GRIN3B: variants seen among roughly 807,000 people sequenced by gnomAD.
The protein encoded by GRIN3B is glutamate ionotropic receptor NMDA type subunit 3B.
A neutral mutation model predicts 66.0 loss-of-function variants in GRIN3B; 77 were observed. That is an observed-to-expected ratio of 1.17 (90% CI 0.97 to 1.41). GRIN3B has a LOEUF of 1.41. GRIN3B is among the 40% of genes most tolerant of loss of function. The pLI is 0.00. For synonymous variants in GRIN3B, 823 were observed against 749.7 expected (o/e 1.10, Z -1.60); for missense variants, 1,787 against 1,564.5 (o/e 1.14, Z -2.40).
rs1568389590 is a variant in GRIN3B at position 1,003,240 on chromosome 19, C to T, written c.537C>T (p.Cys179=). The change falls in exon 2 of 9, where the codon TGC becomes TGT. Residue 179 remains cysteine, a synonymous_variant. Transcript: ENST00000234389. ...HAWEDVGLAL[C]RTQDPGGLVA... ...GGGAAGACGTCGGCCTGGCCCTGTG[C>T]CGCACTCAGGACCCCGGCGGCCTGG... 2 of 1,577,438 alleles carry T rather than the reference C, an allele frequency of 1.3e-6. No homozygotes were observed. Among genetic ancestry groups the T allele is most frequent in the East Asian group, 2.3e-5 (1 of 42,654 alleles).
intron 5 of GRIN3B, 60 bp from the exon 6 acceptor site, chr19:1,008,080 C>A: frequency 1.2e-5 from 18 of 1,562,278 alleles, no homozygotes; most frequent in Non-Finnish European, 1.6e-5. Context: ...CCCACGTGTG[C>A]GGGCAGAGTT....
At position 1,009,552 on chromosome 19, in the gene GRIN3B, G is replaced by GC. The variant is rs1331847037; in HGVS notation, c.3087dup (p.Ala1030ArgfsTer51). The GC allele has an allele frequency of 1.8e-5, 16 of 900,958 alleles. No homozygotes were observed. The highest frequency in any genetic ancestry group is 3.6e-5 in the Admixed American group (1 of 27,806). The allele number at this position is 900,958 out of a possible 1,614,324, so 55.8% of individuals were successfully genotyped here. A position where few individuals can be genotyped will look rare whatever the true frequency, so the allele number is the denominator to read the frequency against. ...TCGGCGCTTGCTTCAGGCCAGAGCGGCCCCCGCGGAGGCCCCACCACACTC... is the reference window on the plus strand; with the variant it reads ...TCGGCGCTTGCTTCAGGCCAGAGCGGCCCCCCGCGGAGGCCCCACCACACTC... On this transcript the variant is annotated frameshift_variant, in exon 9 of 9. Transcript: ENST00000234389. LOFTEE classifies it low-confidence loss of function (END_TRUNC).
chr19:1,001,882 G>A (rs1039121993), intron 1 of GRIN3B: 2 of 152,344 alleles, frequency 1.3e-5, no homozygotes, highest in African/African-American at 4.8e-5. Context: ...CGGGGCGTGG[G>A]ACCGACCTAG....
rs2145546615 is a variant in GRIN3B, at chr19:1,009,459, C to G, written c.2989C>G (p.Leu997Val). ...CCGCATCGAAGTCGCGCGTGAGCGG[C>G]TCCGCCAGGCCCTGGTGCGGCGCGG... ...ERRIEVARER[L>V]RQALVRRGQL... The change falls in exon 9 of 9, where the codon CTC (leucine) becomes GTC (valine). Residue 997 changes from leucine to valine, a missense_variant. Transcript: ENST00000234389. 1 of 1,476,834 alleles carries G rather than the reference C, an allele frequency of 6.8e-7. No homozygotes were observed. The highest frequency in any genetic ancestry group is 2.3e-5 in the Admixed American group (1 of 42,910). The allele number at this position is 1,476,834 out of a possible 1,614,324, so 91.5% of individuals were successfully genotyped here.
chr19:1,003,734 C>A lies in GRIN3B; in HGVS notation c.1019+12C>A. On this transcript the variant is annotated intron_variant, in intron 2 of 8. Transcript: ENST00000234389. ...CGCTTCTTGGCACGGTGAGTGGGGA[C>A]CCTGCTTCCCTTAGGAGGGTGTCCA... The A allele has an allele frequency of 7.2e-7, 1 of 1,395,624 alleles. No homozygotes were observed. Among genetic ancestry groups the A allele is most frequent in the Non-Finnish European group, 9.3e-7 (1 of 1,079,972 alleles). The allele number at this position is 1,395,624 out of a possible 1,614,324, so 86.5% of individuals were successfully genotyped here.
At chr19:1,008,570 G>A in intron 6 of GRIN3B, 48 bp from the exon 7 acceptor site, 1 of 1,570,160 alleles carries the variant, frequency 6.4e-7, no homozygotes, top group Non-Finnish European at 8.6e-7. Flanking sequence ...GCTCCCCAGG[G>A]GCCTGCCATT....
rs34585248 is a variant in GRIN3B at position 1,003,375 on chromosome 19, G to A, written c.672G>A (p.Ala224=). The A allele has an allele frequency of 0.033, 51,505 of 1,568,894 alleles. 1,028 individuals are homozygous for A. Among genetic ancestry groups the A allele is most frequent in the East Asian group, 0.082 (3,529 of 43,104 alleles). Residue 224 remains alanine (A), a synonymous_variant, in exon 2 of 9, where the codon GCG becomes GCA. Transcript: ENST00000234389. Reference sequence around the variant, plus strand: ...GGGCACGCCTGGCCCCGATGGCGGCGCCAGTGGGGGGTGAAGCACCGGTAC... The same window carrying A: ...GGGCACGCCTGGCCCCGATGGCGGCACCAGTGGGGGGTGAAGCACCGGTAC... ...GLRARLAPMA[A]PVGGEAPVPA...
In GRIN3B at chr19:1,007,024, A is replaced by C. The variant is rs569546301; in HGVS notation, c.2053-604A>C. Among the ~76,000 whole-genome samples the C allele has an allele frequency of 1.3e-5, 2 of 152,262 alleles. No individual in the cohort carries two copies. The highest frequency in any genetic ancestry group is 3.9e-4 in the East Asian group (2 of 5,178). The stretch of plus-strand genomic sequence containing the variant: ...GGGGAGAACAGACCACGGGTGGTGC[A>C]GGGAGGACCCCGCAGAGGGGCCTGG... On this transcript the variant is annotated intron_variant, in intron 3 of 8. Coordinates refer to ENST00000234389, the MANE Select transcript of GRIN3B (RefSeq NM_138690.3). This position sits in a 1 kb window ranked among gnomAD's most constrained non-coding sequence, Gnocchi z 4.4.
intron 3 of GRIN3B, among the ~76,000 whole-genome samples, chr19:1,006,033 G>C (rs1376746286): frequency 6.6e-6 from 1 of 152,156 alleles, no homozygotes; most frequent in Non-Finnish European, 1.5e-5. Flanking sequence ...AAAAAACACA[G>C]AGATGGGGGG....
chr19:1,008,437 G>A (rs1017326483), intron 6 of GRIN3B, 146 bp downstream of exon 6: 8 of 1,033,242 alleles, frequency 7.7e-6, no homozygotes, highest in East Asian at 2.6e-5. Context: ...ACAAAACCCC[G>A]GCTGCAGTGC....
In GRIN3B at chr19:1,003,313, G is replaced by A; in HGVS notation, c.610G>A (p.Asp204Asn). 6.4e-7 allele frequency: 1 copy of A among 1,574,458 alleles called. No homozygotes were observed. The highest frequency in any genetic ancestry group is 1.4e-5 in the African/African-American group (1 of 73,140). The part of the protein sequence containing the change: ...RAGRPPQLVL[D>N]LSRRDTGDAG... The stretch of plus-strand genomic sequence containing the variant: ...TGGCCGGCCCCCACAGCTGGTCCTG[G>A]ACCTAAGCCGGCGGGACACGGGAGA... Residue 204 changes from aspartate (D) to asparagine (N), a missense_variant, in exon 2 of 9, where the codon GAC becomes AAC. Asp to Asn is a conservative substitution (Grantham distance 23). Transcript: ENST00000234389.
Position 1,008,134 on chromosome 19 carries a change from C to A in GRIN3B, c.2315-6C>A. On this transcript the variant is annotated splice_polypyrimidine_tract_variant and splice_region_variant and intron_variant, in intron 5 of 8. Transcript: ENST00000234389. ...CTGGCCCCACCGCCTGGCCCCGCGC[C>A]CCCAGGCTATGGGATCGGACTGCCC... 1 of 1,588,828 alleles carries A rather than the reference C, an allele frequency of 6.3e-7. No homozygotes were observed.
In GRIN3B at chr19:1,007,237, C is replaced by T. The variant is rs1051974938; in HGVS notation, c.2053-391C>T. ...CTGCCTCCGCCTGGGGTGGGAAGAGCGAGTGGGGGCAGATCAGGAGTGGGG... is the reference window on the plus strand; with the variant it reads ...CTGCCTCCGCCTGGGGTGGGAAGAGTGAGTGGGGGCAGATCAGGAGTGGGG... On this transcript the variant is annotated intron_variant, in intron 3 of 8. Transcript: ENST00000234389. The surrounding 1 kb of genome is among the most constrained non-coding windows in gnomAD (Gnocchi z 4.4). 4.0e-5 allele frequency among the ~76,000 whole-genome samples: 6 copies of T among 151,618 alleles called. No individual in the cohort carries two copies. Among genetic ancestry groups the T allele is most frequent in the African/African-American group, 9.7e-5 (4 of 41,248 alleles).
rs766447041 is a variant in GRIN3B, at chr19:1,008,876, A to G, written c.2651A>G (p.Asn884Ser). 3 of 1,610,270 alleles carry G rather than the reference A, an allele frequency of 1.9e-6. No individual in the cohort carries two copies. Among genetic ancestry groups the G allele is most frequent in the Non-Finnish European group, 2.5e-6 (3 of 1,178,644 alleles). The change falls in exon 8 of 9, where the codon AAC becomes AGC. Residue 884 changes from asparagine to serine, a missense_variant. Physicochemically the swap from Asn to Ser is conservative, Grantham distance 46. Transcript: ENST00000234389. The stretch of plus-strand genomic sequence containing the variant: ...TCTTAGAAAATCCACCGCGCCCTCA[A>G]CACGGAGCCACCAGAGGGGTCGAAG... ...HTSQKIHRALNTEPPEGSKEE... is the reference protein window; with the variant it reads ...HTSQKIHRALSTEPPEGSKEE...
chr19:1,009,386 A>T lies in GRIN3B; in HGVS notation c.2916A>T (p.Ala972=). The part of the protein sequence containing the change: ...WLCSYGRPPA[A]RPTGAPQPGE... ...GCTCCTACGGCCGCCCGCCCGCCGC[A>T]AGGCCCACGGGGGCCCCCCAGCCCG... The change falls in exon 9 of 9, where the codon GCA becomes GCT. Residue 972 remains alanine, a synonymous_variant. Transcript: ENST00000234389. 1 of 1,389,458 alleles carries T rather than the reference A, an allele frequency of 7.2e-7. No individual in the cohort carries two copies. The highest frequency in any genetic ancestry group is 1.5e-5 in the South Asian group (1 of 65,068). 86.1% of individuals were successfully genotyped at this position (1,389,458 alleles called of 1,614,324 possible). A position where few individuals can be genotyped will look rare whatever the true frequency, so the allele number is the denominator to read the frequency against.
chr19:1,007,554 G>A lies in GRIN3B; in HGVS notation c.2053-74G>A. 7 of 1,353,012 alleles carry A rather than the reference G, an allele frequency of 5.2e-6. No individual in the cohort carries two copies. The highest frequency in any genetic ancestry group is 1.5e-5 in the African/African-American group (1 of 65,066). 83.8% of individuals were successfully genotyped at this position (1,353,012 alleles called of 1,614,324 possible). On this transcript the variant is annotated intron_variant, in intron 3 of 8. Coordinates refer to ENST00000234389, the MANE Select transcript of GRIN3B (RefSeq NM_138690.3). This position sits in a 1 kb window ranked among gnomAD's most constrained non-coding sequence, Gnocchi z 4.4. ...GCAGTGCCCAGGACGGCCCCACCCC[G>A]GAGAACGGCGCGCCCCTCAATGGTC... is the stretch of plus-strand genomic sequence containing the variant.
rs548899977 is a variant in GRIN3B, at chr19:1,001,263, C to G, written c.426+400C>G. ...GGGACCTCCTGGTCCCCACCCGGCT[C>G]TGGGTGGCTGGGCTGGAGGACAGGC... On this transcript the variant is annotated intron_variant, in intron 1 of 8. Transcript: ENST00000234389. Among the ~76,000 whole-genome samples the G allele has an allele frequency of 5.3e-3, 812 of 152,118 alleles. 4 individuals carry two copies. The highest frequency in any genetic ancestry group is 6.7e-3 in the Non-Finnish European group (456 of 67,960).
At position 1,005,193 on chromosome 19, in the gene GRIN3B, A is replaced by G; in HGVS notation, c.1692A>G (p.Ser564=). Residue 564 remains serine (S), a synonymous_variant, in exon 3 of 9, where the codon TCA becomes TCG. Transcript: ENST00000234389. This position sits in a 1 kb window ranked among gnomAD's most constrained non-coding sequence, Gnocchi z 5.2. ...GIMVRARDTA[S]PIGAFMWPLH... is the part of the protein sequence containing the mutation. Reference sequence around the variant, plus strand: ...TGGTGCGGGCACGGGACACGGCCTCACCCATCGGTGCCTTTATGTGGCCCC... The same window carrying G: ...TGGTGCGGGCACGGGACACGGCCTCGCCCATCGGTGCCTTTATGTGGCCCC... 6.2e-7 allele frequency: 1 copy of G among 1,613,456 alleles called. No individual in the cohort carries two copies. The highest frequency in any genetic ancestry group is 1.1e-5 in the South Asian group (1 of 91,080).
In GRIN3B at chr19:1,009,716, T is replaced by A; in HGVS notation, c.*114T>A. ...TTTTGTACACTGCAATTAAATAGAATGGAATGAGCGCTCCTCCGCATTCCT... is the reference window on the plus strand; with the variant it reads ...TTTTGTACACTGCAATTAAATAGAAAGGAATGAGCGCTCCTCCGCATTCCT... On this transcript the variant is annotated 3_prime_UTR_variant, in exon 9 of 9. Coordinates refer to ENST00000234389, the MANE Select transcript of GRIN3B (RefSeq NM_138690.3). The A allele has an allele frequency of 1.1e-6, 1 of 921,424 alleles. No individual in the cohort carries two copies. Among genetic ancestry groups the A allele is most frequent in the East Asian group, 3.3e-5 (1 of 29,896 alleles). The allele number at this position is 921,424 out of a possible 1,614,324, so 57.1% of individuals were successfully genotyped here.
Sources: allele counts gnomAD v4.1 joint callset (sites outside exome capture counted in the v4.1 genomes callset), GRCh38; gene constraint gnomAD v4.1.1; non-coding constraint Gnocchi (gnomAD v3.1); transcripts MANE v1.5; gene names NCBI Gene and HGNC (gene_info 2026-07-23, HGNC 2026-07-21).